Variants in ASIC2 observed in about 807,000 individuals in gnomAD.
ASIC2 encodes the protein acid sensing ion channel subunit 2.
A neutral mutation model predicts 57.3 loss-of-function variants in ASIC2; 25 were observed. The ratio of observed to expected loss-of-function variants is 0.44; its 90% CI spans 0.32 to 0.61. The LOEUF (loss-of-function observed/expected upper bound fraction) is 0.61. Among genes scored for constraint, ASIC2 ranks in the 20% least tolerant of loss-of-function variants. The probability of loss-of-function intolerance (pLI) is 0.06; values close to 1 mark genes in which losing one functional copy is unlikely to be tolerated. For missense variants in ASIC2, 641 were observed against 738.1 expected, an observed-to-expected ratio of 0.87 and a Z score of 1.52; for synonymous variants, 319 against 307.5, an observed-to-expected ratio of 1.04 and a Z score of -0.39.
chr17:33,216,357 T>C lies in ASIC2; in HGVS notation c.708+75051A>G, dbSNP rs115173487. Among the ~76,000 whole-genome samples the C allele has an allele frequency of 5.7e-3, 869 of 152,350 alleles. 10 individuals carry two copies. Among genetic ancestry groups the C allele is most frequent in the African/African-American group, 0.02 (814 of 41,584 alleles). On this transcript the variant is annotated intron_variant, in intron 1 of 9. Transcript: ENST00000225823. ...CATTCAGCTGGCTGTGCTCTATGGA[T>C]GCTGAGATGGAAGGCAGTTTGCAAG... is the stretch of plus-strand genomic sequence containing the variant.
At chr17:33,120,678 T>C (rs60707459) in intron 1 of ASIC2, among the ~76,000 whole-genome samples, 38,770 of 152,152 alleles carry the variant, frequency 0.25, 5,068 homozygotes, top group East Asian at 0.46. Context: ...CTTGGCTGGT[T>C]GGGGGAAGAA....
intron 1 of ASIC2, among the ~76,000 whole-genome samples, chr17:33,885,200 G>A (rs981616296): frequency 9.2e-5 from 14 of 152,146 alleles, no homozygotes; most frequent in African/African-American, 2.9e-4. Context: ...TCCTGTGTAT[G>A]TAAATAAATT....
chr17:33,981,205 C>T (rs754823051), intron 1 of ASIC2, among the ~76,000 whole-genome samples: 1 of 152,152 alleles, frequency 6.6e-6, no homozygotes, highest in Non-Finnish European at 1.5e-5. Context: ...CTGCCTCGGC[C>T]TCCCAAAGTG....
At position 33,435,138 on chromosome 17, in the gene ASIC2, G is replaced by T. The variant is rs116694016; in HGVS notation, c.556-323071C>A. 1.8e-3 allele frequency among the ~76,000 whole-genome samples: 272 copies of T among 152,276 alleles called. 1 individual carries two copies. The highest frequency in any genetic ancestry group is 6.0e-3 in the African/African-American group (249 of 41,548). The stretch of plus-strand genomic sequence containing the variant: ...GAATTCAAATTAGAAGTATCAGTAT[G>T]AATACAGTGTATAAATTTTCTAGCT... On this transcript the variant is annotated intron_variant, in intron 1 of 9. Transcript: ENST00000359872.
chr17:33,357,406 C>T (rs558818116), intron 1 of ASIC2, among the ~76,000 whole-genome samples: 2 of 152,298 alleles, frequency 1.3e-5, no homozygotes, highest in South Asian at 2.1e-4. Context: ...GCCATTGCAA[C>T]AACTGGCCAG....
intron 1 of ASIC2, among the ~76,000 whole-genome samples, chr17:33,858,459 C>T (rs1255026656): frequency 6.6e-6 from 1 of 152,210 alleles, no homozygotes; most frequent in Non-Finnish European, 1.5e-5. Context: ...CTCTCAACTA[C>T]AGAAATGAAT....
At chr17:34,039,925 C>T (rs974573203) in intron 1 of ASIC2, 99 of 1,468,952 alleles carry the variant, frequency 6.7e-5, no homozygotes, top group Non-Finnish European at 9.0e-5. Context: ...GGAGGGACCC[C>T]GACCCGACCC....
intron 1 of ASIC2, among the ~76,000 whole-genome samples, chr17:34,018,822 A>G (rs1313853096): frequency 5.9e-5 from 9 of 152,338 alleles, no homozygotes; most frequent in Admixed American, 5.2e-4. Flanking sequence ...TAGTTCTCAC[A>G]TTGACTGAAT....
At chr17:34,048,573 CAGA>C (rs144479157) in intron 1 of ASIC2, among the ~76,000 whole-genome samples, 13,049 of 152,200 alleles carry the variant, frequency 0.086, 826 homozygotes, top group East Asian at 0.27. Context: ...GACTTGAAAT[CAGA>C]AGAACTGGTT....
At chr17:34,097,412 T>C (rs1910586413) in intron 1 of ASIC2, among the ~76,000 whole-genome samples, 1 of 152,104 alleles carries the variant, frequency 6.6e-6, no homozygotes, top group South Asian at 2.1e-4. Context: ...CTACATGTTG[T>C]GGGTTGAATA....
chr17:33,920,645 A>G (rs1915689528), intron 1 of ASIC2, among the ~76,000 whole-genome samples: 1 of 152,252 alleles, frequency 6.6e-6, no homozygotes, highest in African/African-American at 2.4e-5. Flanking sequence ...TTTGTACCCC[A>G]GACTTCAGCG....
At chr17:33,081,855 G>A (rs1316532737) in intron 3 of ASIC2, among the ~76,000 whole-genome samples, 6 of 152,204 alleles carry the variant, frequency 3.9e-5, no homozygotes, top group Admixed American at 3.9e-4. Flanking sequence ...CAGAGGCAGA[G>A]GCTTAGGCTT....
chr17:34,084,956 T>C (rs1173361867), intron 1 of ASIC2, among the ~76,000 whole-genome samples: 1 of 152,248 alleles, frequency 6.6e-6, no homozygotes, highest in Non-Finnish European at 1.5e-5. Flanking sequence ...GATGGGGTTT[T>C]CTAGATATAC....
chr17:33,814,716 A>G (rs769436003), intron 1 of ASIC2, among the ~76,000 whole-genome samples: 1 of 152,216 alleles, frequency 6.6e-6, no homozygotes, highest in Non-Finnish European at 1.5e-5. Context: ...AGTGGCACAT[A>G]TGTGCAGGTG....
At chr17:33,235,917 AC>A (rs1273833730) in intron 1 of ASIC2, among the ~76,000 whole-genome samples, 3 of 150,064 alleles carry the variant, frequency 2.0e-5, no homozygotes, top group Non-Finnish European at 3.0e-5. Flanking sequence ...GCTCACTGCG[AC>A]CTCCTCCTCC....
intron 1 of ASIC2, chr17:34,080,988 G>T (rs1013033247): frequency 6.6e-6 from 1 of 152,114 alleles, no homozygotes; most frequent in African/African-American, 2.4e-5. Context: ...CTAAAAATGG[G>T]CCAAGAGACA....
intron 1 of ASIC2, among the ~76,000 whole-genome samples, chr17:33,713,134 A>G (rs912394352): frequency 1.3e-5 from 2 of 152,234 alleles, no homozygotes; most frequent in African/African-American, 4.8e-5. Flanking sequence ...TTTATTAGGA[A>G]CAGGTCACTA....
intron 1 of ASIC2, among the ~76,000 whole-genome samples, chr17:33,274,688 G>A (rs1388872064): frequency 7.5e-6 from 1 of 133,794 alleles, no homozygotes; most frequent in African/African-American, 2.9e-5. Flanking sequence ...GGTTGAGCTT[G>A]GGCTTTAGCA....
intron 1 of ASIC2, among the ~76,000 whole-genome samples, chr17:33,315,042 C>T (rs534312091): frequency 6.6e-6 from 1 of 152,218 alleles, no homozygotes; most frequent in East Asian, 1.9e-4. Flanking sequence ...ATTTCATTTC[C>T]ATTCCTTATT....
Sources: allele counts gnomAD v4.1 joint callset (sites outside exome capture counted in the v4.1 genomes callset), GRCh38; gene constraint gnomAD v4.1.1; transcripts MANE v1.5; gene names NCBI Gene and HGNC (gene_info 2026-07-23, HGNC 2026-07-21).